Variants in HNF4G observed in about 807,000 individuals in gnomAD.
HNF4G encodes hepatocyte nuclear factor 4 gamma.
HNF4G carries 21 observed loss-of-function variants against 50.9 expected under a neutral mutation model. The observed-to-expected ratio is 0.41, with a 90% CI of 0.29 to 0.59. HNF4G has a LOEUF of 0.59. Ranked by LOEUF, HNF4G falls within the 20% of genes least tolerant of loss-of-function variation. HNF4G has a pLI of 0.26. For synonymous variants in HNF4G, 198 were observed against 185.6 expected (o/e 1.07, Z -0.54); for missense variants, 527 against 559.4 (o/e 0.94, Z 0.58).
chr8:75,542,696 G>A (rs992701652), intron 1 of HNF4G, among the ~76,000 whole-genome samples: 15 of 152,052 alleles, frequency 9.9e-5, no homozygotes, highest in African/African-American at 3.4e-4. Context: ...TCTGTATCTG[G>A]TTACGACAGG....
intron 2 of HNF4G, among the ~76,000 whole-genome samples, chr8:75,508,356 A>C (rs1167143474): frequency 1.3e-5 from 2 of 151,806 alleles, no homozygotes; most frequent in African/African-American, 2.4e-5. Context: ...ATGTGGTTAC[A>C]AAAGCATTTA....
rs1415226751 is a variant in HNF4G at position 75,559,036 on chromosome 8, T to A, written c.1122T>A (p.Gly374=). Residue 374 remains glycine (G), a splice_region_variant and synonymous_variant, in exon 8 of 10, where the codon GGT becomes GGA. Transcript: ENST00000396423. Reference sequence around the variant, plus strand: ...ATCTACTTCAGGAAATGCTATTAGGTGGTGAGTACATTGAATAATTTCTAC... The same window carrying A: ...ATCTACTTCAGGAAATGCTATTAGGAGGTGAGTACATTGAATAATTTCTAC... ...IDNLLQEMLL[G]GASNDGSHLH... is the part of the protein sequence containing the mutation. 8 of 1,473,190 alleles carry A rather than the reference T, an allele frequency of 5.4e-6. No individual in the cohort carries two copies. The highest frequency in any genetic ancestry group is 7.6e-6 in the Non-Finnish European group (8 of 1,051,610). The allele number at this position is 1,473,190 out of a possible 1,614,324, so 91.3% of individuals were successfully genotyped here.
At chr8:75,507,019 A>G (rs1302644793) in intron 2 of HNF4G, among the ~76,000 whole-genome samples, 2 of 152,226 alleles carry the variant, frequency 1.3e-5, no homozygotes, top group Admixed American at 1.3e-4. Context: ...AAGAACATAT[A>G]TAATAGATGA....
At chr8:75,447,484 A>ACTACC (rs1811450184) in intron 1 of HNF4G, among the ~76,000 whole-genome samples, 2 of 142,626 alleles carry the variant, frequency 1.4e-5, no homozygotes, top group Admixed American at 1.4e-4. Context: ...CTACCATCAG[A>ACTACC]GTGAACAGGC....
Position 75,556,047 on chromosome 8 carries a change from G to A in HNF4G, c.711G>A (p.Met237Ile), listed in dbSNP as rs1805098. The part of the protein sequence containing the change: ...LLLGATKRSM[M>I]YKDILLLGNN... ...TTGGAGCTACAAAGAGATCCATGATGTATAAAGATATTTTGCTTTTGGGTA... is the reference window on the plus strand; with the variant it reads ...TTGGAGCTACAAAGAGATCCATGATATATAAAGATATTTTGCTTTTGGGTA... The change falls in exon 6 of 10, where the codon ATG (methionine) becomes ATA (isoleucine). Residue 237 changes from methionine to isoleucine, a missense_variant. By Grantham distance (10) the Met-to-Ile change is conservative. Around this residue, in one of 5 missense-constraint regions of HNF4G, gnomAD observed 308 missense variants for 301.5 expected, o/e 1.02. Transcript: ENST00000396423. The A allele has an allele frequency of 0.59, 923,977 of 1,567,326 alleles. 279,316 individuals carry two copies. Among genetic ancestry groups the A allele is most frequent in the African/African-American group, 0.9 (66,069 of 73,198 alleles).
In HNF4G at chr8:75,530,694, A is replaced by C. The variant is rs372539649; in HGVS notation, c.-23-13117A>C. On this transcript the variant is annotated intron_variant, in intron 2 of 10. Coordinates refer to the HNF4G transcript ENST00000354370. ...TCTAAATTAGTGGTCCAGAAGGTGC[A>C]CTAGAATATGTATCTGAACAAGAGC... Among the ~76,000 whole-genome samples, 5 of 152,144 alleles carry C rather than the reference A, an allele frequency of 3.3e-5. No homozygotes were observed. The South Asian group carries it at 6.2e-4, about 19-fold the overall frequency.
chr8:75,548,503 G>T (rs1806856334), intron 3 of HNF4G, among the ~76,000 whole-genome samples: 2 of 152,120 alleles, frequency 1.3e-5, no homozygotes, highest in Non-Finnish European at 2.9e-5. Context: ...ATTATATCGA[G>T]GGACCGAGAC....
At chr8:75,523,993 T>C (rs1806116268) in intron 2 of HNF4G, among the ~76,000 whole-genome samples, 1 of 148,822 alleles carries the variant, frequency 6.7e-6, no homozygotes, top group Admixed American at 6.8e-5. Context: ...TGTGAGATTA[T>C]ATCTCAAGGA....
intron 1 of HNF4G, among the ~76,000 whole-genome samples, chr8:75,479,547 T>A (rs1312095230): frequency 6.6e-6 from 1 of 150,628 alleles, no homozygotes; most frequent in South Asian, 2.1e-4. Context: ...CAGGGCTATA[T>A]CATTAACAAG....
intron 2 of HNF4G, among the ~76,000 whole-genome samples, chr8:75,522,264 T>C (rs555630904): frequency 6.6e-6 from 1 of 152,214 alleles, no homozygotes; most frequent in Non-Finnish European, 1.5e-5. Context: ...AGTGGGATTA[T>C]GATGATCTGT....
At chr8:75,436,606 G>A (rs375767203) in intron 1 of HNF4G, among the ~76,000 whole-genome samples, 6 of 152,072 alleles carry the variant, frequency 3.9e-5, no homozygotes, top group Non-Finnish European at 5.9e-5. Flanking sequence ...CCCACCTCAC[G>A]CTTTAAATTC....
rs1807449653 is a variant in HNF4G, at chr8:75,565,884, C to T, written c.*1788C>T. 1 of 152,040 alleles carries T rather than the reference C, an allele frequency of 6.6e-6. No homozygotes were observed. The highest frequency in any genetic ancestry group is 2.4e-5 in the African/African-American group (1 of 41,394). The allele number at this position is 152,040 out of a possible 1,614,324, so 9.4% of individuals were successfully genotyped here. ...TTCACGACCTGGTACCCTTGTGAAA[C>T]TGTAAAATATATCATATGGGGGGAG... On this transcript the variant is annotated 3_prime_UTR_variant, in exon 10 of 10. Coordinates refer to ENST00000396423, the MANE Select transcript of HNF4G (RefSeq NM_004133.5).
intron 2 of HNF4G, among the ~76,000 whole-genome samples, chr8:75,533,227 T>G (rs957538442): frequency 6.6e-6 from 1 of 151,986 alleles, no homozygotes; most frequent in East Asian, 1.9e-4. Context: ...GACAAAATAG[T>G]AAATAGAAAA....
At chr8:75,528,767 A>G (rs1806246812) in intron 2 of HNF4G, among the ~76,000 whole-genome samples, 1 of 140,894 alleles carries the variant, frequency 7.1e-6, no homozygotes, top group African/African-American at 2.8e-5. Context: ...AAAAGTGAAA[A>G]GCCTAAACTT....
chr8:75,493,540 G>T (rs1271963689), intron 2 of HNF4G, among the ~76,000 whole-genome samples: 1 of 151,738 alleles, frequency 6.6e-6, no homozygotes, highest in African/African-American at 2.4e-5. Context: ...AATGCTAGTT[G>T]GAAAAGTTAA....
intron 1 of HNF4G, among the ~76,000 whole-genome samples, chr8:75,455,663 C>A (rs1585859420): frequency 6.6e-6 from 1 of 152,166 alleles, no homozygotes; most frequent in Non-Finnish European, 1.5e-5. Flanking sequence ...ATTTTGCAGA[C>A]ACTCCATAAT....
chr8:75,528,609 T>C (rs1184107182), intron 2 of HNF4G, among the ~76,000 whole-genome samples: 1 of 152,222 alleles, frequency 6.6e-6, no homozygotes, highest in East Asian at 1.9e-4. Context: ...TGTAACATGT[T>C]ACAATAATTT....
At chr8:75,480,859 A>T (rs1334744479) in intron 1 of HNF4G, among the ~76,000 whole-genome samples, 1 of 151,704 alleles carries the variant, frequency 6.6e-6, no homozygotes, top group East Asian at 1.9e-4. Flanking sequence ...TACATGCGTC[A>T]GCCACCACAC....
At chr8:75,550,879 A>G (rs750272679) in intron 3 of HNF4G, among the ~76,000 whole-genome samples, 1 of 152,112 alleles carries the variant, frequency 6.6e-6, no homozygotes, top group Non-Finnish European at 1.5e-5. Flanking sequence ...TGTCCCATGG[A>G]CAGTGTTTTA....
Sources: allele counts gnomAD v4.1 joint callset (sites outside exome capture counted in the v4.1 genomes callset), GRCh38; gene constraint gnomAD v4.1.1; regional missense constraint gnomAD v4.1.1; transcripts MANE v1.5; gene names NCBI Gene and HGNC (gene_info 2026-07-23, HGNC 2026-07-21).